DNAH8: variants seen among roughly 807,000 people sequenced by gnomAD.
DNAH8 encodes the protein dynein axonemal heavy chain 8, also known as axonemal beta dynein heavy chain 8.
In DNAH8, 382 loss-of-function variants were observed where a neutral mutation model predicts 562.1. That is an observed-to-expected ratio of 0.68 (90% CI 0.63 to 0.74). The LOEUF (loss-of-function observed/expected upper bound fraction) is 0.74, where lower values mean the gene tolerates loss of function less well. DNAH8 is among the 30% of genes least tolerant of loss of function. The probability of loss-of-function intolerance (pLI) is 0.00; values close to 1 mark genes in which losing one functional copy is unlikely to be tolerated. For missense variants in DNAH8, 5,203 were observed against 5,620.4 expected, an observed-to-expected ratio of 0.93 and a Z score of 2.37; for synonymous variants, 1,881 against 1,919.4, an observed-to-expected ratio of 0.98 and a Z score of 0.52.
intron 24 of DNAH8, among the ~76,000 whole-genome samples, chr6:38,812,921 G>C (rs977703048): frequency 7.2e-5 from 11 of 152,116 alleles, no homozygotes; most frequent in African/African-American, 2.2e-4. Flanking sequence ...AATAATCGTA[G>C]GGTCTGCCTC....
At chr6:38,761,151 G>T (rs1766461652) in intron 10 of DNAH8, among the ~76,000 whole-genome samples, 1 of 146,950 alleles carries the variant, frequency 6.8e-6, no homozygotes, top group Admixed American at 6.8e-5. Context: ...GGGTACATGT[G>T]CACAATGTGC....
At chr6:38,985,824 C>T (rs899459143) in intron 87 of DNAH8, among the ~76,000 whole-genome samples, 13 of 152,210 alleles carry the variant, frequency 8.5e-5, no homozygotes, top group African/African-American at 3.1e-4. Flanking sequence ...AAGACATGAC[C>T]TTGGCTGAAG....
At position 38,935,608 on chromosome 6, in the gene DNAH8, G is replaced by C; in HGVS notation, c.11474G>C (p.Arg3825Thr). 6.2e-7 allele frequency: 1 copy of C among 1,612,588 alleles called. No individual in the cohort carries two copies. Among genetic ancestry groups the C allele is most frequent in the Middle Eastern group, 1.7e-4 (1 of 6,046 alleles). The change falls in exon 77 of 93, where the codon AGG becomes ACG. Residue 3825 changes from arginine (R) to threonine (T), a missense_variant. Arg to Thr is a moderately conservative substitution (Grantham distance 71). Coordinates refer to ENST00000327475, the MANE Select transcript of DNAH8 (RefSeq NM_001206927.2). ...LTEKQELEAERVKLLEDVTFN... is the reference protein window; with the variant it reads ...LTEKQELEAETVKLLEDVTFN... ...TAATGACAGGAGTTAGAGGCTGAGA[G>C]GGTTAAACTTTTGGAGGATGTTACT...
At chr6:38,882,541 C>A (rs1225376756) in intron 53 of DNAH8, among the ~76,000 whole-genome samples, 1 of 152,104 alleles carries the variant, frequency 6.6e-6, no homozygotes. Flanking sequence ...AAAGGAACAA[C>A]AGACACTGGG....
chr6:38,973,543 A>G (rs921919623), intron 83 of DNAH8, 118 bp from the exon 84 acceptor site: 3 of 703,388 alleles, frequency 4.3e-6, no homozygotes, highest in Non-Finnish European at 6.7e-6. Flanking sequence ...TATAATTTTT[A>G]AAAATGTGTT....
At chr6:38,915,983 A>T in intron 68 of DNAH8, among the ~76,000 whole-genome samples, 1 of 152,182 alleles carries the variant, frequency 6.6e-6, no homozygotes, top group East Asian at 1.9e-4. Context: ...ATGTACATAT[A>T]GATGATCTGG....
intron 35 of DNAH8, 22 bp downstream of exon 35, chr6:38,842,925 T>A (rs1468370204): frequency 6.2e-7 from 1 of 1,606,428 alleles, no homozygotes; most frequent in Non-Finnish European, 8.5e-7. Flanking sequence ...TATACGTTCT[T>A]ATCAATGATC....
chr6:38,984,482 AC>A, intron 87 of DNAH8, 175 bp downstream of exon 87: 1 of 565,238 alleles, frequency 1.8e-6, no homozygotes, highest in South Asian at 2.1e-5. Context: ...ACACACACAC[AC>A]ACACACACAC....
At chr6:38,782,480 C>T (rs552933644) in intron 16 of DNAH8, among the ~76,000 whole-genome samples, 58 of 152,212 alleles carry the variant, frequency 3.8e-4, no homozygotes, top group South Asian at 3.5e-3. Context: ...CAGCGTTTCA[C>T]TATGTTGGCG....
chr6:38,890,013 ACAGT>A lies in DNAH8; in HGVS notation c.8474-637_8474-634del, dbSNP rs374550638. 3.3e-5 allele frequency among the ~76,000 whole-genome samples: 5 copies of A among 152,330 alleles called. No individual in the cohort carries two copies. In the South Asian group the frequency reaches 1.0e-3, roughly 32 times the overall value. On this transcript the variant is annotated intron_variant, in intron 57 of 92. Coordinates refer to ENST00000327475, the MANE Select transcript of DNAH8 (RefSeq NM_001206927.2). ...TCAAAGACATTCTGAGACTTTGAGA[ACAGT>A]CTCTAAACCTACACCCCAGTCTTTC... is the stretch of plus-strand genomic sequence containing the variant.
At chr6:38,755,271 C>T (rs369142188) in intron 9 of DNAH8, among the ~76,000 whole-genome samples, 2 of 152,164 alleles carry the variant, frequency 1.3e-5, no homozygotes, top group East Asian at 1.9e-4. Context: ...GTCAGCATAT[C>T]TTAGAATAAT....
intron 21 of DNAH8, among the ~76,000 whole-genome samples, chr6:38,792,248 C>A (rs548284123): frequency 6.6e-6 from 1 of 152,038 alleles, no homozygotes; most frequent in African/African-American, 2.4e-5. Context: ...CCAGCACACC[C>A]GGCTAATTTT....
At chr6:38,744,063 GTTATTA>G in intron 8 of DNAH8, 1 of 152,182 alleles carries the variant, frequency 6.6e-6, no homozygotes, top group African/African-American at 2.4e-5. Context: ...TATCAGTTAA[GTTATTA>G]TTATTATTAT....
In DNAH8 at chr6:38,926,127, G is replaced by T; in HGVS notation, c.11035G>T (p.Ala3679Ser). 1 of 1,613,668 alleles carries T rather than the reference G, an allele frequency of 6.2e-7. No individual in the cohort carries two copies. Among genetic ancestry groups the T allele is most frequent in the South Asian group, 1.1e-5 (1 of 91,068 alleles). Residue 3679 changes from alanine to serine, a missense_variant, in exon 74 of 93, where the codon GCC (alanine) becomes TCC (serine). By Grantham distance (99) the Ala-to-Ser change is moderately conservative. This residue lies in a region of DNAH8 where 1,399 missense variants were observed against 1,518.4 expected (regional missense o/e 0.92). Transcript: ENST00000327475. ...SIQNGIIVTK[A>S]TRYPLLIDPQ... ...TCAGAATGGCATTATTGTGACAAAGGCCACCAGATACCCACTCCTCATAGA... is the reference window on the plus strand; with the variant it reads ...TCAGAATGGCATTATTGTGACAAAGTCCACCAGATACCCACTCCTCATAGA...
chr6:38,990,735 AG>A (rs1764727149), intron 88 of DNAH8, among the ~76,000 whole-genome samples: 1 of 152,084 alleles, frequency 6.6e-6, no homozygotes, highest in South Asian at 2.1e-4. Context: ...GAAAGAGTGG[AG>A]GGGCTCAGCT....
intron 42 of DNAH8, among the ~76,000 whole-genome samples, chr6:38,859,242 A>T (rs533258020): frequency 9.8e-5 from 15 of 152,304 alleles, no homozygotes; most frequent in African/African-American, 3.4e-4. Flanking sequence ...GAGCATCCCC[A>T]TGGCCTTGAG....
chr6:38,744,264 A>G (rs35710855), intron 8 of DNAH8: 38,323 of 152,008 alleles, frequency 0.25, 5,845 homozygotes, highest in Non-Finnish European at 0.35. Flanking sequence ...GCCTAAGGAG[A>G]GGTGAACTGA....
intron 43 of DNAH8, among the ~76,000 whole-genome samples, chr6:38,861,611 G>A (rs1776624839): frequency 6.6e-6 from 1 of 152,156 alleles, no homozygotes; most frequent in African/African-American, 2.4e-5. Context: ...AGGCTGGAGT[G>A]CAGTGGCGCG....
chr6:38,931,965 TAAG>T lies in DNAH8; in HGVS notation c.11430_11432del (p.Arg3812del), dbSNP rs771033562. Reference sequence around the variant, plus strand: ...ATGAAAGGACTTGAGAATCAGTTACTAAGGAGAGTCATTCTAACAGAGAAACAG... The same window carrying T: ...ATGAAAGGACTTGAGAATCAGTTACTGAGAGTCATTCTAACAGAGAAACAG... On this transcript the variant is annotated inframe_deletion, in exon 76 of 93. Transcript: ENST00000327475. 9 of 1,605,312 alleles carry T rather than the reference TAAG, an allele frequency of 5.6e-6. No individual in the cohort carries two copies. In the Admixed American group the frequency reaches 1.5e-4, roughly 27 times the overall value.
Sources: gnomAD v4.1 joint callset for allele counts (sites outside exome capture counted in the v4.1 genomes callset) on GRCh38, gnomAD v4.1.1 for gene constraint, gnomAD v4.1.1 regional missense constraint, MANE v1.5 for transcripts, NCBI Gene and HGNC (gene_info 2026-07-23, HGNC 2026-07-21) for gene names.